The following PCDHGB5 variants were observed in gnomAD, a reference collection of about 807,000 sequenced individuals.
PCDHGB5 encodes protocadherin gamma subfamily B, 5.
In PCDHGB5, 48 loss-of-function variants were observed where a neutral mutation model predicts 62.9. The ratio of observed to expected loss-of-function variants is 0.76; its 90% CI spans 0.61 to 0.97. PCDHGB5 has a LOEUF of 0.97. Among genes scored for constraint, PCDHGB5 ranks in the 50% least tolerant of loss-of-function variants. The pLI is 0.00. For synonymous variants in PCDHGB5, 474 were observed against 511.2 expected (o/e 0.93, Z 0.98); for missense variants, 1,118 against 1,198.6 (o/e 0.93, Z 0.99).
intron 1 of PCDHGB5, chr5:141,416,087 G>A (rs1201318552): frequency 1.2e-5 from 2 of 165,800 alleles, no homozygotes; most frequent in East Asian, 3.3e-4. Flanking sequence ...TTCCCAAGGA[G>A]AAGGGCAATA....
intron 1 of PCDHGB5, among the ~76,000 whole-genome samples, chr5:141,488,510 G>A (rs910546464): frequency 1.3e-5 from 2 of 152,152 alleles, no homozygotes; most frequent in Non-Finnish European, 2.9e-5. Context: ...TCCACATTTG[G>A]GGTCTGGGGT....
intron 1 of PCDHGB5, chr5:141,403,588 C>CGGTG (rs773103981): frequency 1.2e-6 from 2 of 1,613,904 alleles, no homozygotes; most frequent in East Asian, 2.2e-5. Flanking sequence ...ACCTGGTCCT[C>CGGTG]ACGGCCTCGG....
Position 141,490,457 on chromosome 5 carries a change from T to C in PCDHGB5, c.2398-4350T>C. 1 of 1,614,214 alleles carries C rather than the reference T, an allele frequency of 6.2e-7. No homozygotes were observed. Among genetic ancestry groups the C allele is most frequent in the Non-Finnish European group, 8.5e-7 (1 of 1,180,042 alleles). ...AAGCCTTCTGAGAACCACTACTCGC[T>C]GCTAACCAGCCAGCCTTTGGACCGG... On this transcript the variant is annotated intron_variant, in intron 1 of 3. Coordinates refer to ENST00000617380, the MANE Select transcript of PCDHGB5 (RefSeq NM_018925.3). The surrounding 1 kb of genome is among the most constrained non-coding windows in gnomAD (Gnocchi z 5.4).
chr5:141,428,886 G>T (rs1002869474), intron 1 of PCDHGB5: 3 of 149,710 alleles, frequency 2.0e-5, no homozygotes, highest in Non-Finnish European at 2.9e-5. Context: ...ACGGAGTCTC[G>T]CTCTGTGGTC....
chr5:141,460,511 AT>A (rs937107682), intron 1 of PCDHGB5, among the ~76,000 whole-genome samples: 2 of 152,168 alleles, frequency 1.3e-5, no homozygotes, highest in African/African-American at 4.8e-5. Flanking sequence ...TGAGAAGGCT[AT>A]CTTTTCCCCA....
chr5:141,421,850 C>T, intron 1 of PCDHGB5: 1 of 1,613,752 alleles, frequency 6.2e-7, no homozygotes, highest in Non-Finnish European at 8.5e-7. Context: ...AAAGAGGCTG[C>T]TCACCTGCTC....
intron 1 of PCDHGB5, chr5:141,418,494 T>TGATGGTGGG: frequency 6.2e-7 from 1 of 1,614,020 alleles, no homozygotes; most frequent in Non-Finnish European, 8.5e-7. Context: ...CACTTGGTAC[T>TGATGGTGGG]GACCGCCTTA....
At chr5:141,495,779 C>A (rs529564820) in intron 2 of PCDHGB5, among the ~76,000 whole-genome samples, 53 of 152,094 alleles carry the variant, frequency 3.5e-4, no homozygotes, top group Non-Finnish European at 4.6e-4. Flanking sequence ...TCCTGGACCT[C>A]TTTTCTGTTT....
At chr5:141,510,873 T>A in intron 3 of PCDHGB5, 74 bp from the exon 4 acceptor site, 1 of 1,609,964 alleles carries the variant, frequency 6.2e-7, no homozygotes, top group Non-Finnish European at 8.5e-7. Flanking sequence ...ATTCATTAAC[T>A]GCTGGGGATA....
At chr5:141,418,872 T>C (rs1351483025) in intron 1 of PCDHGB5, 11 of 1,613,996 alleles carry the variant, frequency 6.8e-6, no homozygotes, top group East Asian at 2.2e-5. Context: ...GTAGAAGTTG[T>C]AGACGAAAAC....
intron 1 of PCDHGB5, among the ~76,000 whole-genome samples, chr5:141,484,288 C>T (rs1300726429): frequency 6.6e-6 from 1 of 152,176 alleles, no homozygotes; most frequent in African/African-American, 2.4e-5. Context: ...AAACATCTCC[C>T]TCTCCTGGCT....
chr5:141,423,058 A>T (rs1235938743), intron 1 of PCDHGB5: 1 of 1,614,022 alleles, frequency 6.2e-7, no homozygotes, highest in Non-Finnish European at 8.5e-7. Context: ...TCGCCTGCTT[A>T]AGGCCAGCGA....
chr5:141,509,024 C>T (rs2099873840), intron 3 of PCDHGB5, among the ~76,000 whole-genome samples: 1 of 152,108 alleles, frequency 6.6e-6, no homozygotes, highest in African/African-American at 2.4e-5. Flanking sequence ...GCTGCTCCCT[C>T]CCACTCAACC....
At chr5:141,503,660 C>A (rs2099827842) in intron 2 of PCDHGB5, among the ~76,000 whole-genome samples, 1 of 150,420 alleles carries the variant, frequency 6.6e-6, no homozygotes, top group Non-Finnish European at 1.5e-5. Flanking sequence ...AACAGAATTA[C>A]AACTCTTCCC....
chr5:141,469,404 G>A (rs1439441297), intron 1 of PCDHGB5, among the ~76,000 whole-genome samples: 7 of 151,874 alleles, frequency 4.6e-5, no homozygotes, highest in African/African-American at 1.5e-4. Flanking sequence ...GTGAAACCCC[G>A]TTTCTACTAA....
chr5:141,404,952 G>T, intron 1 of PCDHGB5: 1 of 1,614,030 alleles, frequency 6.2e-7, no homozygotes, highest in Non-Finnish European at 8.5e-7. Flanking sequence ...ATAGCTGACA[G>T]CATCCCAGAC....
chr5:141,430,643 T>G (rs1432236231), intron 1 of PCDHGB5: 16 of 946,950 alleles, frequency 1.7e-5, no homozygotes, highest in South Asian at 2.5e-5. Flanking sequence ...CCTGGGAGTA[T>G]GTGGAAACAA....
chr5:141,478,642 T>A (rs777741719), intron 1 of PCDHGB5: 1 of 1,552,350 alleles, frequency 6.4e-7, no homozygotes, highest in South Asian at 1.2e-5. Context: ...GTGATGAAGA[T>A]GTTTTCCTGG....
intron 1 of PCDHGB5, chr5:141,400,753 T>C: frequency 1.7e-6 from 1 of 597,232 alleles, no homozygotes; most frequent in Non-Finnish European, 2.9e-6. Flanking sequence ...CTTAGCTTCC[T>C]CTCTAGCAAA....
Sources: gnomAD v4.1 joint callset for allele counts (sites outside exome capture counted in the v4.1 genomes callset) on GRCh38, gnomAD v4.1.1 for gene constraint, Gnocchi (gnomAD v3.1) non-coding constraint, MANE v1.5 for transcripts, NCBI Gene and HGNC (gene_info 2026-07-23, HGNC 2026-07-21) for gene names.